Variants in GPHN observed in about 807,000 individuals in gnomAD.
GPHN encodes the protein gephyrin.
Under a neutral mutation model 95.5 loss-of-function variants are expected in GPHN, and 17 were observed. That is an observed-to-expected ratio of 0.18 (90% CI 0.12 to 0.27). The LOEUF (loss-of-function observed/expected upper bound fraction) is 0.27. Among genes scored for constraint, GPHN ranks in the 10% least tolerant of loss-of-function variants. The pLI is 1.00. For missense variants in GPHN, 660 were observed against 978.1 expected (o/e 0.67, Z 4.34); for synonymous variants, 320 against 322.5 (o/e 0.99, Z 0.08).
the GPHN span, among the ~76,000 whole-genome samples, chr14:67,477,088 C>G: frequency 2.0e-5 from 3 of 151,894 alleles, no homozygotes; most frequent in Admixed American, 1.3e-4. Context: ...ACCGCTTGAA[C>G]CTGGGAGGTG....
chr14:67,097,871 C>T (rs1260080052), intron 12 of GPHN, among the ~76,000 whole-genome samples: 1 of 152,080 alleles, frequency 6.6e-6, no homozygotes. Context: ...TATACACACA[C>T]ATATATAACA....
the GPHN span, among the ~76,000 whole-genome samples, chr14:67,356,434 C>CAAAAAAAAAA: frequency 7.7e-6 from 1 of 129,744 alleles, no homozygotes. Context: ...AAAACAAAAA[C>CAAAAAAAAAA]AAAAAAAAAA....
the GPHN span, among the ~76,000 whole-genome samples, chr14:67,435,291 A>G: frequency 2.0e-5 from 3 of 152,108 alleles, no homozygotes; most frequent in African/African-American, 7.2e-5. Context: ...TAAAGCTACC[A>G]GCTCCACTCC....
At chr14:66,896,837 A>G (rs2153544603) in intron 5 of GPHN, among the ~76,000 whole-genome samples, 1 of 152,164 alleles carries the variant, frequency 6.6e-6, no homozygotes, top group Non-Finnish European at 1.5e-5. Flanking sequence ...AAAGACAAGT[A>G]GAAGGCATAT....
At chr14:67,705,736 T>A in the GPHN span, among the ~76,000 whole-genome samples, 1 of 152,374 alleles carries the variant, frequency 6.6e-6, no homozygotes, top group African/African-American at 2.4e-5. Context: ...TTTTTTGTAT[T>A]ATTTTTGCAA....
the GPHN span, among the ~76,000 whole-genome samples, chr14:67,503,825 T>A: frequency 2.4e-4 from 36 of 151,312 alleles, no homozygotes; most frequent in African/African-American, 8.7e-4. Context: ...TGCCTCAGCC[T>A]CCCGAGTAGC....
At chr14:67,500,813 C>T in the GPHN span, among the ~76,000 whole-genome samples, 5 of 151,718 alleles carry the variant, frequency 3.3e-5, no homozygotes, top group African/African-American at 9.7e-5. Context: ...ACTTGTGATC[C>T]GCCCGCCTCG....
the GPHN span, among the ~76,000 whole-genome samples, chr14:67,276,199 G>A: frequency 0.15 from 23,410 of 151,856 alleles, 3,379 homozygotes; most frequent in East Asian, 0.42. Flanking sequence ...TATTTTCAGG[G>A]TAAAGATCTA....
chr14:67,073,579 T>C (rs553730717), intron 11 of GPHN, among the ~76,000 whole-genome samples: 2 of 152,294 alleles, frequency 1.3e-5, no homozygotes, highest in South Asian at 4.1e-4. Context: ...GTAACACAGA[T>C]GGAAGTTGTA....
the GPHN span, among the ~76,000 whole-genome samples, chr14:67,409,052 A>T: frequency 7.3e-6 from 1 of 137,042 alleles, no homozygotes; most frequent in Non-Finnish European, 1.6e-5. Flanking sequence ...TTGTCGCTAT[A>T]AAAAAAAAAA....
chr14:67,586,113 G>A, the GPHN span: 2 of 1,613,220 alleles, frequency 1.2e-6, no homozygotes. Flanking sequence ...TCTGACAGCT[G>A]TTAAAACGTT....
chr14:66,988,432 T>C (rs1377388871), intron 9 of GPHN, among the ~76,000 whole-genome samples: 1 of 152,082 alleles, frequency 6.6e-6, no homozygotes, highest in East Asian at 1.9e-4. Flanking sequence ...TCCTTGATGG[T>C]ACAATTTCAA....
chr14:67,584,133 C>T, the GPHN span: 3 of 1,611,946 alleles, frequency 1.9e-6, no homozygotes, highest in Non-Finnish European at 2.5e-6. Flanking sequence ...AGGTAAGTGC[C>T]AGTGGAAGGA....
chr14:67,267,557 A>G, the GPHN span, among the ~76,000 whole-genome samples: 4 of 152,222 alleles, frequency 2.6e-5, no homozygotes, highest in Admixed American at 6.5e-5. Flanking sequence ...AGCAAAATTC[A>G]GTAATTTTAA....
the GPHN span, among the ~76,000 whole-genome samples, chr14:67,694,482 A>G: frequency 7.1e-6 from 1 of 141,222 alleles, no homozygotes; most frequent in South Asian, 2.1e-4. Flanking sequence ...ATATATACAC[A>G]CACACACATA....
At chr14:66,645,502 C>G (rs1377362494) in intron 1 of GPHN, among the ~76,000 whole-genome samples, 1 of 151,826 alleles carries the variant, frequency 6.6e-6, no homozygotes, top group African/African-American at 2.4e-5. Flanking sequence ...GCCTGGCCAA[C>G]AAGGCGAAAT....
At chr14:66,747,659 T>C (rs1486479292) in intron 2 of GPHN, among the ~76,000 whole-genome samples, 1 of 151,966 alleles carries the variant, frequency 6.6e-6, no homozygotes, top group Admixed American at 6.6e-5. Flanking sequence ...AAAATTGTTT[T>C]ATTATTTTTT....
chr14:67,086,524 G>C (rs548550406), intron 11 of GPHN, among the ~76,000 whole-genome samples: 2 of 151,190 alleles, frequency 1.3e-5, no homozygotes, highest in Admixed American at 1.3e-4. Flanking sequence ...GGTGGCGGGC[G>C]CCTGTAGTCC....
Position 67,113,020 on chromosome 14 carries a change from C to A in GPHN, c.1475C>A (p.Pro492His). The change falls in exon 16 of 23, where the codon CCC becomes CAC. Residue 492 changes from proline to histidine, a missense_variant and splice_region_variant. This residue lies in a region of GPHN where 257 missense variants were observed against 376.2 expected (regional missense o/e 0.68). Transcript: ENST00000478722. ...VQARPGQDIRPIGHDIKRGEC... is the reference protein window; with the variant it reads ...VQARPGQDIRHIGHDIKRGEC... ...TATGGTTCTGCTTTGACTTTCAGAC[C>A]CATCGGCCATGACATTAAAAGAGGG... 6.2e-7 allele frequency: 1 copy of A among 1,613,424 alleles called. No homozygotes were observed. Among genetic ancestry groups the A allele is most frequent in the Non-Finnish European group, 8.5e-7 (1 of 1,179,576 alleles).
Sources: allele counts gnomAD v4.1 joint callset (sites outside exome capture counted in the v4.1 genomes callset), GRCh38; gene constraint gnomAD v4.1.1; regional missense constraint gnomAD v4.1.1; transcripts MANE v1.5; gene names NCBI Gene and HGNC (gene_info 2026-07-23, HGNC 2026-07-21).